Variants in MTMR1 observed in about 807,000 individuals in gnomAD.
MTMR1 encodes phosphatidylinositol-3-phosphate phosphatase MTMR1.
In MTMR1, 17 loss-of-function variants were observed where a neutral mutation model predicts 51.6. That is an observed-to-expected ratio of 0.33 (90% CI 0.23 to 0.49). The LOEUF is 0.49. Ranked by LOEUF, MTMR1 falls within the 20% of genes least tolerant of loss-of-function variation. The pLI is 0.99. For missense variants in MTMR1, 386 were observed against 526.9 expected (o/e 0.73, Z 2.62); for synonymous variants, 201 against 205.6 (o/e 0.98, Z 0.19).
intron 2 of MTMR1, among the ~76,000 whole-genome samples, chrX:150,711,787 T>C (rs931589603): frequency 1.8e-5 from 2 of 111,984 alleles, no homozygotes; most frequent in African/African-American, 6.5e-5. Flanking sequence ...CCAGTATGAA[T>C]TGGAAATGTA....
Position 150,764,047 on chromosome X carries a change from C to T in MTMR1, c.*1318C>T, listed in dbSNP as rs1040709369. The T allele has an allele frequency of 1.8e-5, 2 of 112,001 alleles. No individual in the cohort carries two copies. Among genetic ancestry groups the T allele is most frequent in the Non-Finnish European group, 3.8e-5 (2 of 53,090 alleles). The allele number at this position is 112,001 out of a possible 1,213,427, so 9.2% of individuals were successfully genotyped here. A position where few individuals can be genotyped will look rare whatever the true frequency, so the allele number is the denominator to read the frequency against. On this transcript the variant is annotated 3_prime_UTR_variant, in exon 16 of 16. Coordinates refer to ENST00000445323, the MANE Select transcript of MTMR1 (RefSeq NM_001306144.3). ...CGTGCCTGTTGCTGCAGCTGCCCCC[C>T]CACCCCGCCACTGGCTGCAGGAATT... is the stretch of plus-strand genomic sequence containing the variant.
intron 4 of MTMR1, among the ~76,000 whole-genome samples, chrX:150,722,610 T>G (rs1557416608): frequency 1.8e-5 from 2 of 111,511 alleles, no homozygotes; most frequent in Non-Finnish European, 3.8e-5. Flanking sequence ...TATTTGTGTC[T>G]TTATATTTAA....
At chrX:150,760,462 G>A (rs1216366109) in intron 15 of MTMR1, among the ~76,000 whole-genome samples, 1 of 111,787 alleles carries the variant, frequency 8.9e-6, no homozygotes, top group Non-Finnish European at 1.9e-5. Context: ...GAAGGCCCAG[G>A]GGCGTCCTAT....
At chrX:150,758,022 T>C (rs1202768414) in intron 15 of MTMR1, among the ~76,000 whole-genome samples, 1 of 111,538 alleles carries the variant, frequency 9.0e-6, no homozygotes, top group Non-Finnish European at 1.9e-5. Context: ...CCTCAGGATC[T>C]AGCATGGTGT....
intron 3 of MTMR1, among the ~76,000 whole-genome samples, chrX:150,714,167 A>G (rs1384927948): frequency 2.7e-5 from 3 of 111,731 alleles, no homozygotes; most frequent in Non-Finnish European, 5.6e-5. Flanking sequence ...TATGCTGTCT[A>G]TTGCTTGGTT....
chrX:150,720,069 G>A (rs782560221), intron 4 of MTMR1, among the ~76,000 whole-genome samples: 2 of 112,048 alleles, frequency 1.8e-5, no homozygotes, highest in East Asian at 2.8e-4. Flanking sequence ...TCCTCTGGTG[G>A]CTTGCAAAGG....
chrX:150,693,959 A>G (rs1178416864), intron 1 of MTMR1, among the ~76,000 whole-genome samples: 1 of 111,320 alleles, frequency 9.0e-6, no homozygotes, highest in Non-Finnish European at 1.9e-5. Context: ...GCAGCTGTCA[A>G]ACCACTTCCG....
At chrX:150,711,732 C>T (rs1370426346) in intron 2 of MTMR1, among the ~76,000 whole-genome samples, 2 of 112,143 alleles carry the variant, frequency 1.8e-5, no homozygotes, top group Non-Finnish European at 3.8e-5. Context: ...GGTGCTGGGG[C>T]GGGGAGCGGG....
At chrX:150,698,727 A>ACACACACACAC (rs1557415824) in intron 1 of MTMR1, among the ~76,000 whole-genome samples, 1 of 85,994 alleles carries the variant, frequency 1.2e-5, no homozygotes, top group Non-Finnish European at 2.4e-5. Flanking sequence ...CACACACACA[A>ACACACACACAC]AAGCCGGGCC....
intron 15 of MTMR1, among the ~76,000 whole-genome samples, chrX:150,762,225 G>T (rs181247326): frequency 8.9e-6 from 1 of 112,962 alleles, no homozygotes; most frequent in African/African-American, 3.2e-5. Flanking sequence ...GACACTGCTC[G>T]TGCCGAGTCT....
chrX:150,739,175 A>G (rs1385965403), intron 12 of MTMR1, among the ~76,000 whole-genome samples: 3 of 112,421 alleles, frequency 2.7e-5, no homozygotes, highest in Non-Finnish European at 5.6e-5. Context: ...ACAAGTCCGC[A>G]GTCTCTGAGC....
At chrX:150,702,555 T>A (rs1244587778) in intron 2 of MTMR1, among the ~76,000 whole-genome samples, 9 of 112,126 alleles carry the variant, frequency 8.0e-5, no homozygotes, top group Admixed American at 7.6e-4. Flanking sequence ...TCAGCTCATC[T>A]AAAGTACAGT....
Position 150,762,510 on chromosome X carries a change from A to G in MTMR1, c.1858-55A>G, listed in dbSNP as rs782067851. The G allele has an allele frequency of 5.0e-5, 60 of 1,192,179 alleles. No individual in the cohort carries two copies. The African/African-American group carries it at 1.0e-3, about 20-fold the overall frequency. ...GAAGCCAACAGCATCTCCATGTGGA[A>G]ACGCTGTGGTAGGAGGATGGCCTGA... On this transcript the variant is annotated intron_variant, in intron 15 of 15. Coordinates refer to ENST00000445323, the MANE Select transcript of MTMR1 (RefSeq NM_001306144.3).
At chrX:150,723,095 A>G (rs1237652526) in intron 4 of MTMR1, among the ~76,000 whole-genome samples, 7 of 106,850 alleles carry the variant, frequency 6.6e-5, no homozygotes, top group Non-Finnish European at 1.2e-4. Flanking sequence ...GAGTGAGAAC[A>G]TACGGTGTTT....
At chrX:150,731,779 A>G (rs2042124015) in intron 9 of MTMR1, among the ~76,000 whole-genome samples, 160 bp downstream of exon 9, 1 of 112,282 alleles carries the variant, frequency 8.9e-6, no homozygotes, top group African/African-American at 3.2e-5. Flanking sequence ...ATACCTAATT[A>G]TATAAACAAT....
chrX:150,719,545 C>T (rs1461561828), intron 4 of MTMR1, among the ~76,000 whole-genome samples: 1 of 111,712 alleles, frequency 9.0e-6, no homozygotes, highest in African/African-American at 3.3e-5. Flanking sequence ...GTCCTCTGGA[C>T]TCTTTGTTCC....
intron 2 of MTMR1, among the ~76,000 whole-genome samples, chrX:150,711,965 A>G (rs1358845430): frequency 1.0e-5 from 1 of 96,032 alleles, no homozygotes; most frequent in Non-Finnish European, 2.1e-5. Flanking sequence ...TTTTTTTTTT[A>G]TCATTGGTTT....
intron 15 of MTMR1, among the ~76,000 whole-genome samples, chrX:150,758,909 C>T (rs782110419): frequency 4.5e-5 from 5 of 112,329 alleles, no homozygotes; most frequent in African/African-American, 1.6e-4. Flanking sequence ...AACTGCTTGT[C>T]ACTAGATTGA....
Position 150,727,402 on chromosome X carries a change from C to T in MTMR1, c.447+93C>T, listed in dbSNP as rs2041975271. ...AAAAAGTCCCCTGAAATCCCATTAC[C>T]CTGAGATAACCACAGGTTGGATTTT... On this transcript the variant is annotated intron_variant, in intron 5 of 15. Transcript: ENST00000445323. 3 of 694,100 alleles carry T rather than the reference C, an allele frequency of 4.3e-6. No individual in the cohort carries two copies. In the East Asian group the frequency reaches 1.1e-4, roughly 24 times the overall value. The allele number at this position is 694,100 out of a possible 1,213,427, so 57.2% of individuals were successfully genotyped here.
Sources: allele counts gnomAD v4.1 joint callset (sites outside exome capture counted in the v4.1 genomes callset), GRCh38; gene constraint gnomAD v4.1.1; transcripts MANE v1.5; gene names NCBI Gene and HGNC (gene_info 2026-07-23, HGNC 2026-07-21).